FNDC3B: variants seen among roughly 807,000 people sequenced by gnomAD.
FNDC3B encodes the protein fibronectin type III domain-containing protein 3B.
A neutral mutation model predicts 151.5 loss-of-function variants in FNDC3B; 12 were observed. The observed-to-expected ratio is 0.08, with a 90% CI of 0.05 to 0.13. The LOEUF (loss-of-function observed/expected upper bound fraction) is 0.13. FNDC3B is among the 10% of genes least tolerant of loss of function. The pLI, the probability that FNDC3B is intolerant of heterozygous loss-of-function variation, is 1.00. For synonymous variants in FNDC3B, 528 were observed against 549.0 expected (o/e 0.96, Z 0.54); for missense variants, 1,214 against 1,505.3 (o/e 0.81, Z 3.20).
rs180891998 is a variant in FNDC3B at position 172,188,638 on chromosome 3, C to T, written c.188-38233C>T. 5.3e-5 allele frequency among the ~76,000 whole-genome samples: 8 copies of T among 152,150 alleles called. No individual in the cohort carries two copies. In the East Asian group the frequency reaches 1.5e-3, roughly 29 times the overall value. On this transcript the variant is annotated intron_variant, in intron 3 of 25. Transcript: ENST00000415807. ...GCCAGGAAGGTCTTGGTTTCTTGAC[C>T]TCGTGATCCGCCCGCCTCAGCCTCC...
chr3:172,285,398 C>T (rs955619506), intron 6 of FNDC3B, among the ~76,000 whole-genome samples: 3 of 152,204 alleles, frequency 2.0e-5, no homozygotes, highest in African/African-American at 7.2e-5. Flanking sequence ...TTTTCAAGCT[C>T]AAAAGAAGAT....
At chr3:172,362,023 A>G (rs1005443433) in intron 22 of FNDC3B, among the ~76,000 whole-genome samples, 1 of 152,214 alleles carries the variant, frequency 6.6e-6, no homozygotes, top group African/African-American at 2.4e-5. Flanking sequence ...AAATTCATGG[A>G]TGATTAAGGT....
intron 25 of FNDC3B, among the ~76,000 whole-genome samples, chr3:172,389,650 G>T (rs138265344): frequency 6.6e-6 from 1 of 152,120 alleles, no homozygotes; most frequent in Non-Finnish European, 1.5e-5. Context: ...TGGATCACAA[G>T]GTCAAGAGAT....
intron 22 of FNDC3B, among the ~76,000 whole-genome samples, chr3:172,360,284 C>G (rs1371210149): frequency 6.6e-6 from 1 of 152,100 alleles, no homozygotes; most frequent in Admixed American, 6.6e-5. Flanking sequence ...TTCTAGTCTT[C>G]CGCCCATTTT....
intron 3 of FNDC3B, among the ~76,000 whole-genome samples, chr3:172,169,999 C>G (rs953645835): frequency 2.0e-5 from 3 of 152,198 alleles, no homozygotes; most frequent in Non-Finnish European, 2.9e-5. Flanking sequence ...CCGTCCTCTG[C>G]TGTTTTACAC....
intron 1 of FNDC3B, among the ~76,000 whole-genome samples, chr3:172,092,916 C>T (rs1161553839): frequency 1.3e-5 from 2 of 152,176 alleles, no homozygotes; most frequent in Non-Finnish European, 2.9e-5. Flanking sequence ...AGTGATTCTC[C>T]CACCTCAGTC....
intron 1 of FNDC3B, among the ~76,000 whole-genome samples, chr3:172,105,200 G>A (rs1213242412): frequency 6.6e-6 from 1 of 152,054 alleles, no homozygotes; most frequent in Admixed American, 6.5e-5. Flanking sequence ...AGGCCACCCG[G>A]GGTGTATGGG....
chr3:172,386,849 C>T (rs1332956629), intron 25 of FNDC3B, among the ~76,000 whole-genome samples: 1 of 151,130 alleles, frequency 6.6e-6, no homozygotes, highest in Non-Finnish European at 1.5e-5. Flanking sequence ...ATATTTTTAT[C>T]ATGTATCATT....
At chr3:172,240,955 A>G (rs1235515613) in intron 4 of FNDC3B, among the ~76,000 whole-genome samples, 1 of 152,090 alleles carries the variant, frequency 6.6e-6, no homozygotes, top group Non-Finnish European at 1.5e-5. Flanking sequence ...GCTTGTTTCT[A>G]GGCCACAGGA....
chr3:172,358,074 G>C (rs1208009557), intron 22 of FNDC3B, among the ~76,000 whole-genome samples: 1 of 152,200 alleles, frequency 6.6e-6, no homozygotes, highest in Non-Finnish European at 1.5e-5. Context: ...TAAGAGTATG[G>C]TGTGCCAGAC....
At chr3:172,162,736 C>T (rs1376770409) in intron 3 of FNDC3B, among the ~76,000 whole-genome samples, 4 of 151,142 alleles carry the variant, frequency 2.6e-5, no homozygotes, top group Non-Finnish European at 4.4e-5. Flanking sequence ...TTTTTCCTGC[C>T]AGGGATCGGC....
At chr3:172,381,183 T>C (rs543278583) in intron 25 of FNDC3B, 90 bp downstream of exon 25, 1 of 1,450,964 alleles carries the variant, frequency 6.9e-7, no homozygotes, top group African/African-American at 1.4e-5. Flanking sequence ...GTGAACTATG[T>C]TTTTCTTAAA....
At chr3:172,221,093 C>A (rs1203920603) in intron 3 of FNDC3B, among the ~76,000 whole-genome samples, 1 of 152,128 alleles carries the variant, frequency 6.6e-6, no homozygotes, top group African/African-American at 2.4e-5. Flanking sequence ...ATTGTTCATT[C>A]CTGGTGTGTA....
chr3:172,087,913 A>C (rs7627220), intron 1 of FNDC3B, among the ~76,000 whole-genome samples: 87,204 of 152,032 alleles, frequency 0.57, 25,083 homozygotes, highest in Admixed American at 0.63. Flanking sequence ...AGTTAGAAAT[A>C]TGCAAGAGAA....
chr3:172,304,197 T>A (rs1731076697), intron 9 of FNDC3B, among the ~76,000 whole-genome samples: 1 of 152,162 alleles, frequency 6.6e-6, no homozygotes, highest in Non-Finnish European at 1.5e-5. Context: ...AGAATCCCAC[T>A]AAAAATGAAC....
chr3:172,369,371 C>T (rs1734773391), intron 23 of FNDC3B, among the ~76,000 whole-genome samples: 1 of 152,026 alleles, frequency 6.6e-6, no homozygotes, highest in Admixed American at 6.6e-5. Context: ...AGATTGCAAG[C>T]TTTTCAGGTG....
intron 8 of FNDC3B, among the ~76,000 whole-genome samples, chr3:172,296,058 A>T (rs8180024): frequency 6.6e-6 from 1 of 152,064 alleles, no homozygotes; most frequent in Admixed American, 6.5e-5. Flanking sequence ...GTGGACTCCC[A>T]GGTATTGACC....
intron 22 of FNDC3B, among the ~76,000 whole-genome samples, chr3:172,358,417 C>G (rs996770307): frequency 5.9e-5 from 9 of 152,212 alleles, no homozygotes; most frequent in Non-Finnish European, 1.2e-4. Context: ...TGATGGTTGC[C>G]ATTGTTGTTT....
intron 23 of FNDC3B, among the ~76,000 whole-genome samples, chr3:172,370,093 A>T (rs1195736315): frequency 2.0e-5 from 3 of 152,192 alleles, no homozygotes; most frequent in African/African-American, 7.2e-5. Context: ...AGCAGGTTAG[A>T]GCATTTTGAG....
Sources: allele counts gnomAD v4.1 joint callset (sites outside exome capture counted in the v4.1 genomes callset), GRCh38; gene constraint gnomAD v4.1.1; transcripts MANE v1.5; gene names NCBI Gene and HGNC (gene_info 2026-07-23, HGNC 2026-07-21).